Variants in AUTS2 observed in about 807,000 individuals in gnomAD.
AUTS2 encodes autism susceptibility gene 2 protein.
In AUTS2, 17 loss-of-function variants were observed where a neutral mutation model predicts 112.4. The observed-to-expected ratio is 0.15, with a 90% CI of 0.10 to 0.23. The LOEUF is 0.23. AUTS2 is among the 10% of genes least tolerant of loss of function. AUTS2 has a pLI of 1.00. For missense variants in AUTS2, 1,510 were observed against 1,701.6 expected, an observed-to-expected ratio of 0.89 and a Z score of 1.98; for synonymous variants, 751 against 702.7, an observed-to-expected ratio of 1.07 and a Z score of -1.09.
At chr7:70,139,727 C>T (rs983629115) in intron 4 of AUTS2, among the ~76,000 whole-genome samples, 6 of 152,086 alleles carry the variant, frequency 3.9e-5, no homozygotes, top group African/African-American at 7.2e-5. Context: ...GGGCTGGGCA[C>T]GGTGGCTCAT....
intron 1 of AUTS2, among the ~76,000 whole-genome samples, chr7:69,626,388 C>T (rs1308869120): frequency 6.6e-6 from 1 of 151,968 alleles, no homozygotes; most frequent in African/African-American, 2.4e-5. Context: ...ACTTAAACCC[C>T]GCCTGGTTGC....
intron 5 of AUTS2, among the ~76,000 whole-genome samples, chr7:70,662,209 T>G (rs1040140625): frequency 6.6e-6 from 1 of 152,244 alleles, no homozygotes; most frequent in Non-Finnish European, 1.5e-5. Flanking sequence ...TTCTGCCCAT[T>G]GCACAGTGGC....
At chr7:70,050,573 A>G (rs955972984) in intron 2 of AUTS2, among the ~76,000 whole-genome samples, 2 of 152,066 alleles carry the variant, frequency 1.3e-5, no homozygotes, top group Non-Finnish European at 2.9e-5. Flanking sequence ...TTATTAGGAT[A>G]AAGTCTTGGA....
intron 1 of AUTS2, among the ~76,000 whole-genome samples, chr7:69,870,448 A>AATATT (rs1554395052): frequency 1.3e-5 from 1 of 78,964 alleles, no homozygotes; most frequent in African/African-American, 4.4e-5. Flanking sequence ...ATGTGTGTGT[A>AATATT]ATATATATAT....
intron 4 of AUTS2, among the ~76,000 whole-genome samples, chr7:70,286,652 G>T (rs921683948): frequency 6.6e-6 from 1 of 152,186 alleles, no homozygotes; most frequent in Non-Finnish European, 1.5e-5. Context: ...AATGATACTT[G>T]TCTTTAAAAT....
At chr7:70,456,122 C>T (rs77761085) in intron 5 of AUTS2, among the ~76,000 whole-genome samples, 5 of 152,166 alleles carry the variant, frequency 3.3e-5, no homozygotes, top group Admixed American at 3.3e-4. Flanking sequence ...TAAAAACCCT[C>T]AACTTCCCCC....
chr7:70,269,777 C>G (rs1341079000), intron 4 of AUTS2, among the ~76,000 whole-genome samples: 1 of 151,800 alleles, frequency 6.6e-6, no homozygotes, highest in African/African-American at 2.4e-5. Context: ...AACAGCAAAC[C>G]AAACTCTTTG....
chr7:70,607,645 G>T (rs116868771), intron 5 of AUTS2, among the ~76,000 whole-genome samples: 42 of 152,182 alleles, frequency 2.8e-4, no homozygotes, highest in African/African-American at 9.9e-4. Context: ...GCAGTTCAGC[G>T]TGCAAGATAC....
chr7:69,664,759 G>A (rs1395179877), intron 1 of AUTS2, among the ~76,000 whole-genome samples: 4 of 152,162 alleles, frequency 2.6e-5, no homozygotes, highest in Non-Finnish European at 5.9e-5. Context: ...AAATTGTCAG[G>A]TTGAAGAGGT....
chr7:70,563,588 A>G (rs568217032), intron 5 of AUTS2, among the ~76,000 whole-genome samples: 44 of 152,320 alleles, frequency 2.9e-4, no homozygotes, highest in Admixed American at 1.1e-3. Flanking sequence ...GTGAGTGGGT[A>G]GAGAATGAGG....
chr7:69,811,051 C>G (rs542225707), intron 1 of AUTS2, among the ~76,000 whole-genome samples: 18 of 152,246 alleles, frequency 1.2e-4, no homozygotes, highest in Non-Finnish European at 2.2e-4. Context: ...TGCCCTCATT[C>G]CTTGTGTGTC....
intron 1 of AUTS2, among the ~76,000 whole-genome samples, chr7:69,652,039 G>A (rs971558013): frequency 1.3e-5 from 2 of 152,142 alleles, no homozygotes; most frequent in Non-Finnish European, 2.9e-5. Flanking sequence ...AGATTAAATC[G>A]AATGGTTAAG....
intron 1 of AUTS2, among the ~76,000 whole-genome samples, chr7:69,812,148 G>C (rs1790571071): frequency 6.6e-6 from 1 of 152,142 alleles, no homozygotes; most frequent in Non-Finnish European, 1.5e-5. Context: ...AATTACAGGA[G>C]AGCATCGTGT....
Position 70,163,809 on chromosome 7 carries a change from A to G in AUTS2, c.660+29238A>G. ...ATACCCTGAACTGAGTAGGAAGCAG[A>G]GATTACATGTCATTGGGGTGGAGGA... On this transcript the variant is annotated intron_variant, in intron 4 of 18. Transcript: ENST00000342771. Among the ~76,000 whole-genome samples, 2 of 152,194 alleles carry G rather than the reference A, an allele frequency of 1.3e-5. 1 individual carries two copies. Among genetic ancestry groups the G allele is most frequent in the Non-Finnish European group, 2.9e-5 (2 of 68,026 alleles).
In AUTS2 at chr7:70,553,375, C is replaced by T. The variant is rs61223506; in HGVS notation, c.690+117594C>T. 9.8e-3 allele frequency among the ~76,000 whole-genome samples: 1,487 copies of T among 152,250 alleles called. 27 individuals are homozygous for T. Among genetic ancestry groups the T allele is most frequent in the African/African-American group, 0.034 (1,413 of 41,532 alleles). On this transcript the variant is annotated intron_variant, in intron 5 of 18. Transcript: ENST00000342771. The stretch of plus-strand genomic sequence containing the variant: ...AGCACCTATTACCAGGACACCACTG[C>T]AAGGGGGAAAATGACACTTGGGCAC...
chr7:70,499,844 G>A (rs996446565), intron 5 of AUTS2, among the ~76,000 whole-genome samples: 6 of 152,300 alleles, frequency 3.9e-5, no homozygotes, highest in African/African-American at 1.4e-4. Context: ...GGAGGTTACA[G>A]TCAAGGTCTG....
chr7:69,882,419 C>T (rs1794095898), intron 1 of AUTS2, among the ~76,000 whole-genome samples: 2 of 152,016 alleles, frequency 1.3e-5, no homozygotes, highest in African/African-American at 2.4e-5. Context: ...GTATGTTAAC[C>T]TGCAACCCCA....
intron 1 of AUTS2, among the ~76,000 whole-genome samples, chr7:69,677,314 G>C (rs371274092): frequency 6.6e-6 from 1 of 152,116 alleles, no homozygotes; most frequent in African/African-American, 2.4e-5. Flanking sequence ...CAAGGTACAA[G>C]TTTTCCAGGG....
chr7:70,374,293 T>C (rs1022863708), intron 4 of AUTS2, among the ~76,000 whole-genome samples: 6 of 152,232 alleles, frequency 3.9e-5, no homozygotes, highest in Non-Finnish European at 5.9e-5. Context: ...ACATTCAACA[T>C]GAGGTTCTTT....
Sources: gnomAD v4.1 joint callset for allele counts (sites outside exome capture counted in the v4.1 genomes callset) on GRCh38, gnomAD v4.1.1 for gene constraint, MANE v1.5 for transcripts, NCBI Gene and HGNC (gene_info 2026-07-23, HGNC 2026-07-21) for gene names.